The following LGALS13 variants were observed in gnomAD, a reference collection of about 807,000 sequenced individuals.
LGALS13 encodes galectin 13, also known as galactoside-binding soluble lectin 13.
Under a neutral mutation model 13.2 loss-of-function variants are expected in LGALS13, and 11 were observed. The observed-to-expected ratio is 0.83, with a 90% CI of 0.52 to 1.38. LGALS13 has a LOEUF of 1.38. Among genes scored for constraint, LGALS13 ranks in the 40% most tolerant of loss-of-function variants. The pLI, the probability that LGALS13 is intolerant of heterozygous loss-of-function variation, is 0.00. For synonymous variants in LGALS13, 71 were observed against 63.7 expected (o/e 1.11, Z -0.54); for missense variants, 183 against 174.3 (o/e 1.05, Z -0.28).
At chr19:39,602,604 C>T in intron 1 of LGALS13, 21 bp downstream of exon 1, 6 of 1,613,536 alleles carry the variant, frequency 3.7e-6, no homozygotes, top group South Asian at 3.3e-5. Context: ...AAGGCACAGC[C>T]TTCAAAAATT....
Position 39,605,223 on chromosome 19 carries a change from G to A in LGALS13, c.138G>A (p.Glu46=), listed in dbSNP as rs1568472766. Residue 46 remains glutamate (E), a synonymous_variant, in exon 3 of 4, where the codon GAG becomes GAA. Coordinates refer to ENST00000221797, the MANE Select transcript of LGALS13 (RefSeq NM_013268.3). ...TGGATTTCTACACTGACATGGATGAGGATTCAGATATTGCCTTCCGTTTCC... is the reference window on the plus strand; with the variant it reads ...TGGATTTCTACACTGACATGGATGAAGATTCAGATATTGCCTTCCGTTTCC... ...LQVDFYTDMD[E]DSDIAFRFRV... is the part of the protein sequence containing the mutation. 1.2e-6 allele frequency: 2 copies of A among 1,614,236 alleles called. No individual in the cohort carries two copies. The highest frequency in any genetic ancestry group is 2.2e-5 in the South Asian group (2 of 91,084).
chr19:39,604,710 G>C, intron 2 of LGALS13, 32 bp downstream of exon 2: 1 of 1,609,508 alleles, frequency 6.2e-7, no homozygotes, highest in South Asian at 1.1e-5. Context: ...GGAGGGGTTG[G>C]AGAAGAAGGG....
chr19:39,606,243 G>A (rs1039738376), intron 3 of LGALS13, among the ~76,000 whole-genome samples: 1 of 152,142 alleles, frequency 6.6e-6, no homozygotes, highest in African/African-American at 2.4e-5. Flanking sequence ...TACACATTAC[G>A]CTTCAAGAAC....
intron 1 of LGALS13, chr19:39,603,904 A>T: frequency 2.0e-6 from 2 of 975,970 alleles, no homozygotes; most frequent in Non-Finnish European, 2.4e-6. Flanking sequence ...GAAATCAATC[A>T]TTCCCTCCAG....
In LGALS13 at chr19:39,607,334, A is replaced by C; in HGVS notation, c.415A>C (p.Asn139His). 6.3e-7 allele frequency: 1 copy of C among 1,592,238 alleles called. No homozygotes were observed. Among genetic ancestry groups the C allele is most frequent in the Non-Finnish European group, 8.6e-7 (1 of 1,160,024 alleles). Reference protein sequence around the residue: ...DISLTSVCVCN With the variant: ...DISLTSVCVCH ...CTCCCTGACCTCAGTGTGTGTCTGCAATTGAGGGAGATGATCACACTCCTC... is the reference window on the plus strand; with the variant it reads ...CTCCCTGACCTCAGTGTGTGTCTGCCATTGAGGGAGATGATCACACTCCTC... The change falls in exon 4 of 4, where the codon AAT (asparagine) becomes CAT (histidine). Residue 139 changes from asparagine (N) to histidine (H), a missense_variant. Asn to His is a moderately conservative substitution (Grantham distance 68). Coordinates refer to ENST00000221797, the MANE Select transcript of LGALS13 (RefSeq NM_013268.3).
intron 3 of LGALS13, among the ~76,000 whole-genome samples, chr19:39,606,033 G>T (rs754603972): frequency 6.6e-6 from 1 of 152,126 alleles, no homozygotes; most frequent in Non-Finnish European, 1.5e-5. Context: ...TTTTAGGGGA[G>T]ACGGGGGTTC....
Position 39,605,387 on chromosome 19 carries a change from A to G in LGALS13, c.302A>G (p.Glu101Gly). The change falls in exon 3 of 4, where the codon GAG (glutamate) becomes GGG (glycine). Residue 101 changes from glutamate (E) to glycine (G), a missense_variant and splice_region_variant. Coordinates refer to ENST00000221797, the MANE Select transcript of LGALS13 (RefSeq NM_013268.3). ...LCIYVHYNEY[E>G]IKVNGIRIYG... Reference sequence around the variant, plus strand: ...ATCTACGTACATTACAATGAGTATGAGGTGAGCATCCCAGGAGCTCCCAGC... The same window carrying G: ...ATCTACGTACATTACAATGAGTATGGGGTGAGCATCCCAGGAGCTCCCAGC... 6.2e-7 allele frequency: 1 copy of G among 1,613,858 alleles called. No individual in the cohort carries two copies. Among genetic ancestry groups the G allele is most frequent in the Non-Finnish European group, 8.5e-7 (1 of 1,179,772 alleles).
Position 39,607,271 on chromosome 19 carries a change from C to T in LGALS13, c.352C>T (p.Pro118Ser). ...TTACGGCTTTGTCCATCGAATCCCG[C>T]CATCATTTGTGAAGATGGTGCAAGT... Reference protein sequence around the residue: ...RIYGFVHRIPPSFVKMVQVSR... With the variant: ...RIYGFVHRIPSSFVKMVQVSR... The change falls in exon 4 of 4, where the codon CCA becomes TCA. Residue 118 changes from proline (P) to serine (S), a missense_variant. Transcript: ENST00000221797. The T allele has an allele frequency of 6.2e-7, 1 of 1,614,092 alleles. No homozygotes were observed. The highest frequency in any genetic ancestry group is 8.5e-7 in the Non-Finnish European group (1 of 1,179,996).
rs1427526929 is a variant in LGALS13 at position 39,607,227 on chromosome 19, A to G, written c.308A>G (p.Lys103Arg). Residue 103 changes from lysine (K) to arginine (R), a missense_variant, in exon 4 of 4, where the codon AAG becomes AGG. Transcript: ENST00000221797. The stretch of plus-strand genomic sequence containing the variant: ...GATGCATTTTTCCTCTTGTAGATAA[A>G]GGTCAATGGCATACGCATTTACGGC... ...IYVHYNEYEIKVNGIRIYGFV... is the reference protein window; with the variant it reads ...IYVHYNEYEIRVNGIRIYGFV... 1.9e-6 allele frequency: 3 copies of G among 1,612,904 alleles called. No homozygotes were observed. The highest frequency in any genetic ancestry group is 2.5e-6 in the Non-Finnish European group (3 of 1,179,034).
At chr19:39,606,803 T>G (rs1972696090) in intron 3 of LGALS13, among the ~76,000 whole-genome samples, 1 of 152,204 alleles carries the variant, frequency 6.6e-6, no homozygotes, top group African/African-American at 2.4e-5. Context: ...AGAGAAACTG[T>G]GCCATCAGTA....
chr19:39,604,213 A>G (rs1432857949), intron 1 of LGALS13, among the ~76,000 whole-genome samples: 1 of 152,208 alleles, frequency 6.6e-6, no homozygotes, highest in East Asian at 1.9e-4. Flanking sequence ...TCACCCTAAG[A>G]GGCCCTACGC....
intron 3 of LGALS13, 140 bp downstream of exon 3, chr19:39,605,528 C>T: frequency 1.3e-6 from 1 of 742,994 alleles, no homozygotes; most frequent in Non-Finnish European, 2.4e-6. Flanking sequence ...TCACAGAGCA[C>T]CCCCTGCTTG....
chr19:39,605,107 TTG>T, intron 2 of LGALS13, 69 bp from the exon 3 acceptor site: 10 of 1,255,978 alleles, frequency 8.0e-6, no homozygotes, highest in Non-Finnish European at 1.2e-5. Flanking sequence ...GGGAAGGGAT[TTG>T]TGTGTGTGTC....
At chr19:39,604,215 G>A (rs1223038489) in intron 1 of LGALS13, among the ~76,000 whole-genome samples, 2 of 152,136 alleles carry the variant, frequency 1.3e-5, no homozygotes, top group African/African-American at 4.8e-5. Flanking sequence ...ACCCTAAGAG[G>A]CCCTACGCAT....
intron 1 of LGALS13, among the ~76,000 whole-genome samples, chr19:39,604,356 A>T (rs184161951): frequency 6.2e-4 from 95 of 152,246 alleles, no homozygotes; most frequent in African/African-American, 2.0e-3. Flanking sequence ...CAAATCTAAG[A>T]CTGCACTGCT....
intron 2 of LGALS13, 200 bp from the exon 3 acceptor site, chr19:39,604,978 T>G: frequency 1.5e-6 from 1 of 676,220 alleles, no homozygotes. Context: ...TGTGGCTCAG[T>G]TTTCATCTGG....
chr19:39,605,501 C>T, intron 3 of LGALS13, 113 bp downstream of exon 3: 1 of 847,520 alleles, frequency 1.2e-6, no homozygotes, highest in Non-Finnish European at 2.0e-6. Context: ...CATAACTACT[C>T]CTGCCCCTGG....
intron 3 of LGALS13, among the ~76,000 whole-genome samples, chr19:39,607,010 C>G (rs1294314808): frequency 6.6e-6 from 1 of 152,144 alleles, no homozygotes; most frequent in Non-Finnish European, 1.5e-5. Context: ...TAGAACTTCG[C>G]TAGAGGAATG....
In LGALS13 at chr19:39,607,263, G is replaced by A. The variant is rs2233711; in HGVS notation, c.344G>A (p.Arg115Gln). 5,018 of 1,613,954 alleles carry A rather than the reference G, an allele frequency of 3.1e-3. 20 individuals are homozygous for A. Among genetic ancestry groups the A allele is most frequent in the Middle Eastern group, 6.4e-3 (39 of 6,062 alleles). The change falls in exon 4 of 4, where the codon CGA (arginine) becomes CAA (glutamine). Residue 115 changes from arginine to glutamine, a missense_variant. Physicochemically the swap from Arg to Gln is conservative, Grantham distance 43 (BLOSUM62 1). Coordinates refer to ENST00000221797, the MANE Select transcript of LGALS13 (RefSeq NM_013268.3). ...NGIRIYGFVH[R>Q]IPPSFVKMVQ... is the part of the protein sequence containing the mutation. ...ATACGCATTTACGGCTTTGTCCATC[G>A]AATCCCGCCATCATTTGTGAAGATG...
Sources: allele counts gnomAD v4.1 joint callset (sites outside exome capture counted in the v4.1 genomes callset), GRCh38; gene constraint gnomAD v4.1.1; transcripts MANE v1.5; gene names NCBI Gene and HGNC (gene_info 2026-07-23, HGNC 2026-07-21).